C7: variants seen among roughly 807,000 people sequenced by gnomAD.
C7 encodes the protein complement component C7.
Under a neutral mutation model 104.8 loss-of-function variants are expected in C7, and 83 were observed. The ratio of observed to expected loss-of-function variants is 0.79; its 90% CI spans 0.66 to 0.95. The LOEUF is 0.95. Ranked by LOEUF, C7 falls within the 40% of genes least tolerant of loss-of-function variation. The pLI is 0.00. For missense variants in C7, 1,070 were observed against 1,011.2 expected, an observed-to-expected ratio of 1.06 and a Z score of -0.79; for synonymous variants, 415 against 360.6, an observed-to-expected ratio of 1.15 and a Z score of -1.71.
intron 13 of C7, among the ~76,000 whole-genome samples, chr5:40,963,731 C>T (rs539640705): frequency 6.6e-6 from 1 of 152,204 alleles, no homozygotes; most frequent in South Asian, 2.1e-4. Flanking sequence ...TCATCCATCC[C>T]CAGGCTCAGA....
At chr5:40,919,938 AAG>A (rs912110858) in intron 1 of C7, among the ~76,000 whole-genome samples, 2 of 152,302 alleles carry the variant, frequency 1.3e-5, no homozygotes, top group African/African-American at 2.4e-5. Flanking sequence ...GAAACAGAAA[AAG>A]AAGAATAAAC....
chr5:40,965,646 A>T (rs62357071), intron 14 of C7, among the ~76,000 whole-genome samples: 28,590 of 98,614 alleles, frequency 0.29, 3,318 homozygotes, highest in South Asian at 0.51. Flanking sequence ...ATATATATAT[A>T]TATTTTTTTT....
At chr5:40,939,278 T>C (rs1301345883) in intron 6 of C7, among the ~76,000 whole-genome samples, 1 of 152,160 alleles carries the variant, frequency 6.6e-6, no homozygotes, top group Non-Finnish European at 1.5e-5. Context: ...ATCTGAAAAA[T>C]AATTGTAGCT....
intron 3 of C7, among the ~76,000 whole-genome samples, chr5:40,933,429 T>C (rs1739738307): frequency 6.6e-6 from 1 of 152,178 alleles, no homozygotes; most frequent in Non-Finnish European, 1.5e-5. Context: ...TTGCCAGGGG[T>C]AGATCTTTCT....
rs1002142280 is a variant in C7 at position 40,981,680 on chromosome 5, G to A, written c.*107G>A. The A allele has an allele frequency of 3.5e-6, 3 of 867,760 alleles. No individual in the cohort carries two copies. Among genetic ancestry groups the A allele is most frequent in the Admixed American group, 2.9e-5 (1 of 34,874 alleles). 53.8% of individuals were successfully genotyped at this position (867,760 alleles called of 1,614,324 possible). On this transcript the variant is annotated 3_prime_UTR_variant, in exon 18 of 18. Coordinates refer to ENST00000313164, the MANE Select transcript of C7 (RefSeq NM_000587.4). ...GGACAGCTTTTCCTTCTTCTCCAGT[G>A]TCTACCTTCCTCCTCAACTCCCAGC...
chr5:40,950,549 G>T (rs1347978506), intron 9 of C7, among the ~76,000 whole-genome samples: 1 of 152,098 alleles, frequency 6.6e-6, no homozygotes, highest in African/African-American at 2.4e-5. Flanking sequence ...GATCTCCAAA[G>T]GCTTTTGAGG....
At chr5:40,980,789 A>G (rs1740926049) in intron 17 of C7, among the ~76,000 whole-genome samples, 1 of 152,174 alleles carries the variant, frequency 6.6e-6, no homozygotes, top group African/African-American at 2.4e-5. Context: ...CAGACTGATG[A>G]CATACATATG....
chr5:40,972,526 C>T lies in C7; in HGVS notation c.2006C>T (p.Ser669Leu), dbSNP rs778220760. 2.5e-5 allele frequency: 41 copies of T among 1,613,476 alleles called. No individual in the cohort carries two copies. In the South Asian group the frequency reaches 4.0e-4, roughly 16 times the overall value. ...GGTGGCATGTCCTTAGAAGGTCCTT[C>T]AGCATTTCTCTGTGGCTCCAGCCTT... ...CSGGMSLEGPSAFLCGSSLKW... is the reference protein window; with the variant it reads ...CSGGMSLEGPLAFLCGSSLKW... The change falls in exon 15 of 18, where the codon TCA becomes TTA. Residue 669 changes from serine to leucine, a missense_variant. Ser to Leu is a moderately radical substitution (Grantham distance 145, BLOSUM62 -2). Coordinates refer to ENST00000313164, the MANE Select transcript of C7 (RefSeq NM_000587.4).
chr5:40,952,482 A>G (rs546220344), intron 9 of C7, among the ~76,000 whole-genome samples: 1 of 149,680 alleles, frequency 6.7e-6, no homozygotes. Context: ...AATTCTTTTT[A>G]TTTATTTATT....
At chr5:40,929,023 T>G (rs1166657620) in intron 2 of C7, among the ~76,000 whole-genome samples, 1 of 152,180 alleles carries the variant, frequency 6.6e-6, no homozygotes, top group East Asian at 1.9e-4. Flanking sequence ...AAGAAAATAG[T>G]CTTACCAAGT....
At chr5:40,975,017 C>G (rs1209724442) in intron 15 of C7, among the ~76,000 whole-genome samples, 1 of 152,152 alleles carries the variant, frequency 6.6e-6, no homozygotes, top group Non-Finnish European at 1.5e-5. Context: ...CCAAAGATGT[C>G]CCTAGTGATT....
chr5:40,944,014 C>T (rs1482212216), intron 6 of C7, among the ~76,000 whole-genome samples: 1 of 152,140 alleles, frequency 6.6e-6, no homozygotes, highest in Non-Finnish European at 1.5e-5. Flanking sequence ...TTTAATGTGA[C>T]AACATGAATA....
At chr5:40,910,468 G>A (rs891792281) in intron 1 of C7, among the ~76,000 whole-genome samples, 4 of 152,016 alleles carry the variant, frequency 2.6e-5, no homozygotes, top group Non-Finnish European at 5.9e-5. Context: ...CTCATTATTG[G>A]GGTTAGAGGA....
At chr5:40,933,603 G>C (rs879702659) in intron 3 of C7, among the ~76,000 whole-genome samples, 1 of 152,192 alleles carries the variant, frequency 6.6e-6, no homozygotes, top group Non-Finnish European at 1.5e-5. Context: ...TGTAGATGTA[G>C]CTTCACCTTT....
At chr5:40,938,757 A>G (rs1375122433) in intron 6 of C7, among the ~76,000 whole-genome samples, 1 of 152,178 alleles carries the variant, frequency 6.6e-6, no homozygotes, top group Non-Finnish European at 1.5e-5. Context: ...TCTGTCATAC[A>G]CACCTAAACT....
At chr5:40,935,890 C>T (rs567394059) in intron 4 of C7, among the ~76,000 whole-genome samples, 4 of 152,234 alleles carry the variant, frequency 2.6e-5, no homozygotes, top group South Asian at 2.1e-4. Context: ...TATTGTGCTA[C>T]GGAAATGTTG....
chr5:40,943,598 C>A (rs1207194742), intron 6 of C7, among the ~76,000 whole-genome samples: 1 of 149,636 alleles, frequency 6.7e-6, no homozygotes, highest in East Asian at 1.9e-4. Context: ...ATGTGTATAA[C>A]TTTTCTTTCT....
In C7 at chr5:40,962,106, T is replaced by C; in HGVS notation, c.1683T>C (p.Phe561=). 2 of 1,556,628 alleles carry C rather than the reference T, an allele frequency of 1.3e-6. No homozygotes were observed. Among genetic ancestry groups the C allele is most frequent in the Middle Eastern group, 1.7e-4 (1 of 5,912 alleles). ...EHLRLLEPHC[F]PLSLVPTEFC... ...CCAGGTTGCTTGAACCACATTGCTT[T>C]CCTTTGTCTTTGGTTCCAACAGAAT... is the stretch of plus-strand genomic sequence containing the variant. Residue 561 remains phenylalanine, a synonymous_variant, in exon 13 of 18, where the codon TTT becomes TTC. Transcript: ENST00000313164.
At chr5:40,910,805 AC>A (rs1390110645) in intron 1 of C7, among the ~76,000 whole-genome samples, 1,853 of 141,214 alleles carry the variant, frequency 0.013, 50 homozygotes, top group African/African-American at 0.054. Flanking sequence ...AAAAAAAAAA[AC>A]AAAAAAAAAA....
Sources: gnomAD v4.1 joint callset for allele counts (sites outside exome capture counted in the v4.1 genomes callset) on GRCh38, gnomAD v4.1.1 for gene constraint, MANE v1.5 for transcripts, NCBI Gene and HGNC (gene_info 2026-07-23, HGNC 2026-07-21) for gene names.